AK8: variants seen among roughly 807,000 people sequenced by gnomAD.
AK8 encodes adenylate kinase 8.
AK8 carries 44 observed loss-of-function variants against 54.6 expected under a neutral mutation model. The observed-to-expected ratio is 0.81, with a 90% confidence interval of 0.63 to 1.04. The LOEUF (loss-of-function observed/expected upper bound fraction) is 1.04. AK8 is among the 50% of genes least tolerant of loss of function. The pLI is 0.00. For missense variants in AK8, 555 were observed against 613.6 expected (o/e 0.90, Z 1.01); for synonymous variants, 239 against 245.6 (o/e 0.97, Z 0.25).
At position 132,854,932 on chromosome 9, in the gene AK8, G is replaced by C; in HGVS notation, c.334-7C>G. ...GCAGCGCGCTGGGAACTGTCTGAAG[G>C]AAAAAGGACACACAGAATGATGGCC... On this transcript the variant is annotated splice_polypyrimidine_tract_variant and splice_region_variant and intron_variant, in intron 4 of 12. Transcript: ENST00000298545. 1 of 1,614,040 alleles carries C rather than the reference G, an allele frequency of 6.2e-7. No homozygotes were observed. Among genetic ancestry groups the C allele is most frequent in the Non-Finnish European group, 8.5e-7 (1 of 1,180,018 alleles).
intron 10 of AK8, among the ~76,000 whole-genome samples, chr9:132,801,322 T>G (rs1027434512): frequency 1.3e-5 from 2 of 152,222 alleles, no homozygotes; most frequent in African/African-American, 4.8e-5. Flanking sequence ...CTTAGCAAAT[T>G]AGTAAAACTT....
chr9:132,878,688 T>C (rs1206845837), upstream of AK8: 1 of 989,024 alleles, frequency 1.0e-6, no homozygotes, highest in African/African-American at 1.8e-5. The surrounding 1 kb of genome is among the most constrained non-coding windows in gnomAD (Gnocchi z 4.7). Context: ...TGGGGGAGGG[T>C]GTTTGAAGGG....
intron 11 of AK8, among the ~76,000 whole-genome samples, chr9:132,766,839 A>C (rs1368444484): frequency 1.3e-5 from 2 of 152,244 alleles, no homozygotes; most frequent in Admixed American, 1.3e-4. Context: ...ATTTATAGCC[A>C]CTGACTTTTG....
At chr9:132,850,149 G>A (rs1159157614) in intron 5 of AK8, among the ~76,000 whole-genome samples, 1 of 149,246 alleles carries the variant, frequency 6.7e-6, no homozygotes, top group Non-Finnish European at 1.5e-5. Flanking sequence ...CACCTCCTGG[G>A]TTCAAGCCAT....
rs576136104 is a variant in AK8 at position 132,860,267 on chromosome 9, A to G, written c.333+3398T>C. 6.7e-5 allele frequency among the ~76,000 whole-genome samples: 9 copies of G among 134,640 alleles called. No homozygotes were observed. The highest frequency in any genetic ancestry group is 2.9e-4 in the African/African-American group (9 of 31,570). 88.3% of individuals were successfully genotyped at this position (134,640 alleles called of 152,430 possible). ...GAACACCATCTCCTCGGCGAGATTT[A>G]TAACTCTGGCTGGCCTGGTGGAATC... is the stretch of plus-strand genomic sequence containing the variant. On this transcript the variant is annotated intron_variant, in intron 4 of 12. Coordinates refer to ENST00000298545, the MANE Select transcript of AK8 (RefSeq NM_152572.3). The surrounding 1 kb of genome is among the most constrained non-coding windows in gnomAD (Gnocchi z 4.4).
chr9:132,739,441 C>CAAAAAAAAAA (rs768297504), intron 11 of AK8, among the ~76,000 whole-genome samples: 3 of 31,142 alleles, frequency 9.6e-5, no homozygotes, highest in African/African-American at 1.5e-4. Context: ...GACTCTGTCT[C>CAAAAAAAAAA]AAAAAAAAAA....
At chr9:132,873,410 G>T (rs754564391) in intron 2 of AK8, among the ~76,000 whole-genome samples, 11 of 152,154 alleles carry the variant, frequency 7.2e-5, no homozygotes, top group Non-Finnish European at 1.3e-4. Context: ...TGAGTGAGCT[G>T]CAGGGTCCCT....
intron 4 of AK8, among the ~76,000 whole-genome samples, chr9:132,858,580 C>A (rs1006966307): frequency 1.6e-4 from 25 of 152,330 alleles, no homozygotes; most frequent in Non-Finnish European, 3.2e-4. Flanking sequence ...GACCCCCACA[C>A]CCCCCTTCTC....
intron 5 of AK8, among the ~76,000 whole-genome samples, chr9:132,832,063 GAAAAAAAAAAAAAA>G (rs11284701): frequency 5.6e-4 from 7 of 12,416 alleles, no homozygotes; most frequent in Non-Finnish European, 1.0e-3. Context: ...CCTTGTCTCT[GAAAAAAAAAAAAAA>G]AAAAAAAAAA....
chr9:132,839,826 G>A lies in AK8; in HGVS notation c.403-11100C>T, dbSNP rs866279799. On this transcript the variant is annotated intron_variant, in intron 5 of 12. Coordinates refer to ENST00000298545, the MANE Select transcript of AK8 (RefSeq NM_152572.3). ...AAGAAAACATTTTTTTTGCCGGGGG[G>A]GGGGGCGCAGGGACGGAGCCTTGCT... Among the ~76,000 whole-genome samples the A allele has an allele frequency of 4.2e-4, 62 of 147,426 alleles. 3 individuals carry two copies. Among genetic ancestry groups the A allele is most frequent in the African/African-American group, 1.4e-3 (56 of 39,244 alleles).
chr9:132,862,562 C>G (rs1325573325), intron 4 of AK8, among the ~76,000 whole-genome samples: 1 of 152,096 alleles, frequency 6.6e-6, no homozygotes, highest in African/African-American at 2.4e-5. Context: ...CTCCTGACTT[C>G]AAGTGATCTG....
At chr9:132,823,136 C>T in intron 9 of AK8, 69 bp downstream of exon 9, 1 of 1,484,614 alleles carries the variant, frequency 6.7e-7, no homozygotes, top group Non-Finnish European at 8.9e-7. Context: ...AAAATGAGAG[C>T]TGGGGAGGAG....
intron 5 of AK8, among the ~76,000 whole-genome samples, chr9:132,852,866 G>A (rs1379782969): frequency 6.6e-6 from 1 of 151,490 alleles, no homozygotes; most frequent in Admixed American, 6.6e-5. Context: ...CAGCAAAAGG[G>A]TGAATGCTTT....
chr9:132,780,214 A>T (rs1445896197), intron 11 of AK8, among the ~76,000 whole-genome samples: 1 of 152,194 alleles, frequency 6.6e-6, no homozygotes, highest in Non-Finnish European at 1.5e-5. Context: ...AAAAGCAGAG[A>T]GGAAGTTGAG....
intron 5 of AK8, among the ~76,000 whole-genome samples, chr9:132,851,534 A>C (rs951895470): frequency 6.6e-6 from 1 of 152,230 alleles, no homozygotes; most frequent in African/African-American, 2.4e-5. Flanking sequence ...GTGTTTGATG[A>C]GATCAAAGGC....
At chr9:132,815,214 C>A (rs1484595463) in intron 9 of AK8, among the ~76,000 whole-genome samples, 1 of 152,186 alleles carries the variant, frequency 6.6e-6, no homozygotes. Context: ...GCTGGCAGGG[C>A]ATCTCCATGG....
chr9:132,781,531 T>C lies in AK8; in HGVS notation c.1121+11103A>G, dbSNP rs948973392. On this transcript the variant is annotated intron_variant, in intron 11 of 12. Coordinates refer to ENST00000298545, the MANE Select transcript of AK8 (RefSeq NM_152572.3). The surrounding 1 kb of genome is among the most constrained non-coding windows in gnomAD (Gnocchi z 4.6). ...AGCTTACCCTTCCCCGATAACTCTATTTACTAGTGTGAATATATTTTAATA... is the reference window on the plus strand; with the variant it reads ...AGCTTACCCTTCCCCGATAACTCTACTTACTAGTGTGAATATATTTTAATA... 3.3e-5 allele frequency among the ~76,000 whole-genome samples: 5 copies of C among 152,274 alleles called. No homozygotes were observed. The highest frequency in any genetic ancestry group is 6.5e-5 in the Admixed American group (1 of 15,304).
chr9:132,851,287 C>T (rs192688405), intron 5 of AK8, among the ~76,000 whole-genome samples: 1 of 152,216 alleles, frequency 6.6e-6, no homozygotes, highest in Non-Finnish European at 1.5e-5. Context: ...GCCTGAAACA[C>T]TGAAAGAGGG....
intron 11 of AK8, among the ~76,000 whole-genome samples, chr9:132,733,855 G>C (rs1465628790): frequency 6.6e-6 from 1 of 152,202 alleles, no homozygotes. Flanking sequence ...AGGGTAGTGG[G>C]TGCCTGGACT....
Sources: allele counts gnomAD v4.1 joint callset (sites outside exome capture counted in the v4.1 genomes callset), GRCh38; gene constraint gnomAD v4.1.1; non-coding constraint Gnocchi (gnomAD v3.1); transcripts MANE v1.5; gene names NCBI Gene and HGNC (gene_info 2026-07-23, HGNC 2026-07-21).